Variants in RBFOX3 observed in about 807,000 individuals in gnomAD.
RBFOX3 encodes RNA binding protein fox-1 homolog 3.
A neutral mutation model predicts 48.7 loss-of-function variants in RBFOX3; 17 were observed. The observed-to-expected ratio is 0.35, with a 90% CI of 0.24 to 0.52. The LOEUF (loss-of-function observed/expected upper bound fraction) is 0.52. Among genes scored for constraint, RBFOX3 ranks in the 20% least tolerant of loss-of-function variants. The probability of loss-of-function intolerance (pLI) is 0.94; values close to 1 mark genes in which losing one functional copy is unlikely to be tolerated. For synonymous variants in RBFOX3, 212 were observed against 209.5 expected (o/e 1.01, Z -0.10); for missense variants, 382 against 497.5 (o/e 0.77, Z 2.21).
At position 79,299,317 on chromosome 17, in the gene RBFOX3, C is replaced by T. The variant is rs1473936592; in HGVS notation, c.-74+8407G>A. 2.6e-5 allele frequency among the ~76,000 whole-genome samples: 4 copies of T among 152,162 alleles called. No individual in the cohort carries two copies. The East Asian group carries it at 7.7e-4, about 29-fold the overall frequency. On this transcript the variant is annotated intron_variant, in intron 3 of 14. Coordinates refer to ENST00000693108, the MANE Select transcript of RBFOX3 (RefSeq NM_001350451.2). The surrounding 1 kb of genome is among the most constrained non-coding windows in gnomAD (Gnocchi z 4.5). Reference sequence around the variant, plus strand: ...AAAATTCCTGTGTTGAAGTCCTAACCACTGGTTCCTTAAAATGGGACTGTA... The same window carrying T: ...AAAATTCCTGTGTTGAAGTCCTAACTACTGGTTCCTTAAAATGGGACTGTA...
At chr17:79,444,105 A>C (rs1555736639) in intron 2 of RBFOX3, among the ~76,000 whole-genome samples, 10 of 152,184 alleles carry the variant, frequency 6.6e-5, no homozygotes. Context: ...GTGAATCATT[A>C]GGGGGACAGA....
At chr17:79,658,157 G>A in the RBFOX3 span, among the ~76,000 whole-genome samples, 1 of 152,134 alleles carries the variant, frequency 6.6e-6, no homozygotes, top group African/African-American at 2.4e-5. Context: ...GACTTGCAGT[G>A]CCCATAAAAG....
At chr17:79,182,399 G>C (rs2052229299) in intron 4 of RBFOX3, among the ~76,000 whole-genome samples, 1 of 152,194 alleles carries the variant, frequency 6.6e-6, no homozygotes, top group Non-Finnish European at 1.5e-5. Context: ...GCCCGGGCCA[G>C]GCTGGCGCCG....
In RBFOX3 at chr17:79,382,478, G is replaced by A. The variant is rs116387292; in HGVS notation, c.-174-74654C>T. Among the ~76,000 whole-genome samples, 993 of 152,346 alleles carry A rather than the reference G, an allele frequency of 6.5e-3. 13 individuals are homozygous for A. Among genetic ancestry groups the A allele is most frequent in the African/African-American group, 0.023 (950 of 41,584 alleles). On this transcript the variant is annotated intron_variant, in intron 2 of 14. Transcript: ENST00000693108. ...GCGGCACGTGGTTACTCCTCAGGGG[G>A]TTCTTGGGCAAACCTGTTTCCCATG...
intron 3 of RBFOX3, among the ~76,000 whole-genome samples, chr17:79,283,304 T>C (rs1309910362): frequency 6.8e-6 from 1 of 146,472 alleles, no homozygotes; most frequent in Non-Finnish European, 1.5e-5. Context: ...AGTCTTGCTC[T>C]GTCGCCCAGG....
intron 4 of RBFOX3, among the ~76,000 whole-genome samples, chr17:79,200,722 A>G (rs1307804527): frequency 6.6e-6 from 1 of 152,126 alleles, no homozygotes; most frequent in Non-Finnish European, 1.5e-5. Context: ...AAAGCAAACG[A>G]GAACTTTGCA....
intron 1 of RBFOX3, among the ~76,000 whole-genome samples, chr17:79,573,334 C>G (rs1271835279): frequency 1.3e-5 from 2 of 152,220 alleles, no homozygotes; most frequent in Admixed American, 6.5e-5. Flanking sequence ...AGGAGCTGCA[C>G]GCAGCACTGC....
At chr17:79,372,539 T>C (rs932074693) in intron 2 of RBFOX3, among the ~76,000 whole-genome samples, 1 of 151,774 alleles carries the variant, frequency 6.6e-6, no homozygotes, top group Non-Finnish European at 1.5e-5. Context: ...CTCCCACCCC[T>C]GCGGGTCTTT....
intron 2 of RBFOX3, among the ~76,000 whole-genome samples, chr17:79,333,827 C>T (rs1031301271): frequency 3.9e-5 from 6 of 152,276 alleles, no homozygotes; most frequent in South Asian, 2.1e-4. Context: ...CTGCCCTTCA[C>T]CCCACGAGCA....
chr17:79,109,698 G>A (rs965337179), intron 5 of RBFOX3, among the ~76,000 whole-genome samples: 1 of 152,180 alleles, frequency 6.6e-6, no homozygotes, highest in African/African-American at 2.4e-5. Flanking sequence ...TTGGGTACAG[G>A]TGACTGAGTC....
chr17:79,137,237 G>GCACACA (rs4012813), intron 4 of RBFOX3, among the ~76,000 whole-genome samples: 25,765 of 150,310 alleles, frequency 0.17, 2,282 homozygotes, highest in Middle Eastern at 0.22. Context: ...CCCTCTTCAT[G>GCACACA]CACACACACA....
chr17:79,233,435 G>A (rs1293858328), intron 4 of RBFOX3, among the ~76,000 whole-genome samples: 1 of 152,086 alleles, frequency 6.6e-6, no homozygotes, highest in Admixed American at 6.6e-5. Flanking sequence ...TCTTGATTGT[G>A]GTGATGGTGT....
chr17:79,466,771 G>A (rs1171611608), intron 2 of RBFOX3, among the ~76,000 whole-genome samples: 1 of 152,184 alleles, frequency 6.6e-6, no homozygotes, highest in Non-Finnish European at 1.5e-5. Context: ...ACTGGTTTGA[G>A]TGGTAAACTC....
At chr17:79,457,507 C>G (rs1184947484) in intron 2 of RBFOX3, among the ~76,000 whole-genome samples, 1 of 152,232 alleles carries the variant, frequency 6.6e-6, no homozygotes. Flanking sequence ...ATGTCCTGCT[C>G]AACATCCCAG....
chr17:79,510,611 C>A (rs967076837), intron 1 of RBFOX3, among the ~76,000 whole-genome samples: 2 of 152,210 alleles, frequency 1.3e-5, no homozygotes, highest in Non-Finnish European at 2.9e-5. Flanking sequence ...GGTAGCCTGT[C>A]TGGGAGGGAG....
the RBFOX3 span, among the ~76,000 whole-genome samples, chr17:79,662,622 T>G: frequency 6.6e-6 from 1 of 152,206 alleles, no homozygotes; most frequent in Admixed American, 6.5e-5. Context: ...TGTATTAGAA[T>G]CTTTTTACTG....
chr17:79,277,742 C>T (rs766470425), intron 3 of RBFOX3, among the ~76,000 whole-genome samples: 1 of 152,170 alleles, frequency 6.6e-6, no homozygotes, highest in Admixed American at 6.5e-5. Context: ...TGTGGGGGCT[C>T]ATGGTGGGAA....
intron 1 of RBFOX3, among the ~76,000 whole-genome samples, chr17:79,589,183 G>A (rs990961955): frequency 9.2e-5 from 14 of 152,328 alleles, no homozygotes; most frequent in African/African-American, 3.1e-4. Flanking sequence ...GCACACTGGC[G>A]GCCACAAACA....
intron 1 of RBFOX3, among the ~76,000 whole-genome samples, chr17:79,492,331 G>A (rs1416291538): frequency 2.0e-5 from 3 of 152,212 alleles, no homozygotes; most frequent in Non-Finnish European, 4.4e-5. Flanking sequence ...TGTCATACCA[G>A]CACTGGTCTG....
Sources: gnomAD v4.1 joint callset for allele counts (sites outside exome capture counted in the v4.1 genomes callset) on GRCh38, gnomAD v4.1.1 for gene constraint, Gnocchi (gnomAD v3.1) non-coding constraint, MANE v1.5 for transcripts, NCBI Gene and HGNC (gene_info 2026-07-23, HGNC 2026-07-21) for gene names.